ARHGAP32: variants seen among roughly 807,000 people sequenced by gnomAD.
ARHGAP32 encodes rho GTPase-activating protein 32.
A neutral mutation model predicts 186.5 loss-of-function variants in ARHGAP32; 51 were observed. The observed-to-expected ratio is 0.27, with a 90% CI of 0.22 to 0.35. The LOEUF (loss-of-function observed/expected upper bound fraction) is 0.35, where lower values mean the gene tolerates loss of function less well. Among genes scored for constraint, ARHGAP32 ranks in the 10% least tolerant of loss-of-function variants. ARHGAP32 has a pLI of 1.00. For synonymous variants in ARHGAP32, 950 were observed against 964.3 expected (o/e 0.99, Z 0.27); for missense variants, 2,186 against 2,623.5 (o/e 0.83, Z 3.64).
Position 128,969,201 on chromosome 11 carries a change from T to C in ARHGAP32, c.6012A>G (p.Lys2004=). 1 of 1,613,968 alleles carries C rather than the reference T, an allele frequency of 6.2e-7. No individual in the cohort carries two copies. Among genetic ancestry groups the C allele is most frequent in the Non-Finnish European group, 8.5e-7 (1 of 1,179,922 alleles). ...PPKPERSHSL[K]LHHTQNVERD... The stretch of plus-strand genomic sequence containing the variant: ...TCTCCACGTTCTGGGTATGATGGAG[T>C]TTGAGGCTATGACTCCTCTCTGGTT... The change falls in exon 23 of 23, where the codon AAA becomes AAG. Residue 2004 remains lysine (K), a synonymous_variant. Transcript: ENST00000682385. This position sits in a 1 kb window ranked among gnomAD's most constrained non-coding sequence, Gnocchi z 4.8.
intron 1 of ARHGAP32, among the ~76,000 whole-genome samples, chr11:129,272,341 A>C (rs1444751732): frequency 6.6e-6 from 1 of 152,198 alleles, no homozygotes; most frequent in Non-Finnish European, 1.5e-5. Context: ...ATCCCCCGCT[A>C]AGGTATTGCC....
At chr11:129,133,828 A>T (rs924140918) in intron 2 of ARHGAP32, among the ~76,000 whole-genome samples, 1 of 152,234 alleles carries the variant, frequency 6.6e-6, no homozygotes, top group South Asian at 2.1e-4. Flanking sequence ...GCATGAAGAG[A>T]GAACAACAGA....
At chr11:129,081,729 T>C (rs1314904569) in intron 6 of ARHGAP32, among the ~76,000 whole-genome samples, 2 of 151,518 alleles carry the variant, frequency 1.3e-5, no homozygotes, top group African/African-American at 2.4e-5. Context: ...CTATTCAACA[T>C]AGTACTGGAA....
chr11:129,092,408 G>T (rs1242648428), intron 6 of ARHGAP32, among the ~76,000 whole-genome samples: 1 of 151,836 alleles, frequency 6.6e-6, no homozygotes, highest in Non-Finnish European at 1.5e-5. Flanking sequence ...AAAAAGATAT[G>T]ATTTTCATCC....
intron 5 of ARHGAP32, among the ~76,000 whole-genome samples, chr11:129,119,545 A>C (rs1297871474): frequency 1.3e-5 from 2 of 152,098 alleles, no homozygotes; most frequent in African/African-American, 4.8e-5. Flanking sequence ...CATTAAACAA[A>C]TATTTATTGA....
chr11:129,092,848 A>C lies in ARHGAP32; in HGVS notation c.531+773T>G, dbSNP rs548977689. 9.9e-5 allele frequency among the ~76,000 whole-genome samples: 15 copies of C among 152,122 alleles called. No homozygotes were observed. The South Asian group carries it at 2.9e-3, about 29-fold the overall frequency. On this transcript the variant is annotated intron_variant, in intron 6 of 22. Coordinates refer to ENST00000682385, the MANE Select transcript of ARHGAP32 (RefSeq NM_001378024.1). Reference sequence around the variant, plus strand: ...TCCCAAAGATAGCTGAAAACTTTGTATAGAAGAAAGCTTTCCTCCTAAATG... The same window carrying C: ...TCCCAAAGATAGCTGAAAACTTTGTCTAGAAGAAAGCTTTCCTCCTAAATG...
At chr11:129,009,634 A>T (rs1442190437) in intron 11 of ARHGAP32, among the ~76,000 whole-genome samples, 25 of 152,210 alleles carry the variant, frequency 1.6e-4, no homozygotes, top group Admixed American at 1.6e-3. Flanking sequence ...AATGGCTTCT[A>T]GCCCCAAACA....
chr11:129,177,026 G>T (rs376588659), intron 1 of ARHGAP32, among the ~76,000 whole-genome samples: 37,130 of 141,278 alleles, frequency 0.26, 5,192 homozygotes, highest in Middle Eastern at 0.4. Context: ...TCAACAAAAT[G>T]GATAGACCGC....
chr11:129,260,802 A>G (rs1477211139), intron 1 of ARHGAP32, among the ~76,000 whole-genome samples: 1 of 152,210 alleles, frequency 6.6e-6, no homozygotes, highest in East Asian at 1.9e-4. Context: ...CAAAAATATT[A>G]GCCAATAATT....
At position 129,217,593 on chromosome 11, in the gene ARHGAP32, C is replaced by G. The variant is rs573307871; in HGVS notation, c.-4-53166G>C. On this transcript the variant is annotated intron_variant, in intron 1 of 6. Coordinates refer to the ARHGAP32 transcript ENST00000525234. ...ACTCTGTAATTTATATATCATGAAT[C>G]ACAGAACTGCCTGAGATGTCTTTAT... Among the ~76,000 whole-genome samples, 489 of 152,232 alleles carry G rather than the reference C, an allele frequency of 3.2e-3. 1 individual carries two copies. The highest frequency in any genetic ancestry group is 0.011 in the African/African-American group (471 of 41,544).
chr11:129,187,781 C>T (rs1944192505), intron 1 of ARHGAP32, among the ~76,000 whole-genome samples: 1 of 152,070 alleles, frequency 6.6e-6, no homozygotes, highest in Admixed American at 6.5e-5. Context: ...TAAGTTGTAG[C>T]TTTTTGGGCA....
intron 2 of ARHGAP32, among the ~76,000 whole-genome samples, chr11:129,137,205 T>A (rs1441949648): frequency 6.7e-6 from 1 of 150,148 alleles, no homozygotes; most frequent in African/African-American, 2.4e-5. Context: ...AATATAAAAA[T>A]ATATATATGT....
rs1442089797 is a variant in ARHGAP32, at chr11:129,241,928, AG to A, written c.-5+37217del. Among the ~76,000 whole-genome samples, 5 of 152,362 alleles carry A rather than the reference AG, an allele frequency of 3.3e-5. No homozygotes were observed. In the East Asian group the frequency reaches 9.6e-4, roughly 29 times the overall value. The stretch of plus-strand genomic sequence containing the variant: ...CAATAAAAACATAGTATTTACAAAT[AG>A]GGTGGTAAATCCTGGTAGGGAGGAA... On this transcript the variant is annotated intron_variant, in intron 1 of 6. Coordinates refer to the ARHGAP32 transcript ENST00000525234.
chr11:128,978,956 G>T (rs761580927), intron 18 of ARHGAP32, 41 bp from the exon 19 acceptor site: 2 of 1,545,552 alleles, frequency 1.3e-6, no homozygotes, highest in South Asian at 1.2e-5. Context: ...GATAGCCATG[G>T]GTCTGTCTTT....
intron 21 of ARHGAP32, chr11:128,973,758 A>G: frequency 1.9e-6 from 1 of 514,322 alleles, no homozygotes; most frequent in Non-Finnish European, 3.4e-6. Context: ...GTTATTATGA[A>G]CAGTTTTTAC....
In ARHGAP32 at chr11:129,064,931, C is replaced by T. The variant is rs749443850; in HGVS notation, c.672G>A (p.Ser224=). The change falls in exon 8 of 23, where the codon TCG becomes TCA. Residue 224 remains serine (S), a splice_region_variant and synonymous_variant. Coordinates refer to ENST00000682385, the MANE Select transcript of ARHGAP32 (RefSeq NM_001378024.1). Reference sequence around the variant, plus strand: ...GGTAAGCCATAAGCATCTGAGTGACCGACTGAAAAGAAAAAGATCAGTGTA... The same window carrying T: ...GGTAAGCCATAAGCATCTGAGTGACTGACTGAAAAGAAAAAGATCAGTGTA... ...RSDTLKDSPE[S]VTQMLMAYLS... 5.1e-6 allele frequency: 8 copies of T among 1,581,948 alleles called. No homozygotes were observed. The highest frequency in any genetic ancestry group is 2.3e-5 in the South Asian group (2 of 86,010).
chr11:129,107,134 G>A (rs1252293737), intron 5 of ARHGAP32, among the ~76,000 whole-genome samples: 1 of 152,188 alleles, frequency 6.6e-6, no homozygotes, highest in Non-Finnish European at 1.5e-5. Context: ...AAATGTTGAG[G>A]CCAAAAGGTG....
intron 2 of ARHGAP32, among the ~76,000 whole-genome samples, chr11:129,151,820 C>T (rs34401554): frequency 0.022 from 3,417 of 151,902 alleles, 48 homozygotes; most frequent in Non-Finnish European, 0.036. Context: ...CAGAGAAACA[C>T]GAACAAACCA....
chr11:129,201,980 C>CTCTG (rs552695518), intron 1 of ARHGAP32, among the ~76,000 whole-genome samples: 170 of 151,954 alleles, frequency 1.1e-3, no homozygotes, highest in African/African-American at 2.2e-3. Context: ...AAGAGCCTGT[C>CTCTG]TCTGTCTGTC....
Sources: allele counts gnomAD v4.1 joint callset (sites outside exome capture counted in the v4.1 genomes callset), GRCh38; gene constraint gnomAD v4.1.1; non-coding constraint Gnocchi (gnomAD v3.1); transcripts MANE v1.5; gene names NCBI Gene and HGNC (gene_info 2026-07-23, HGNC 2026-07-21).